The following CD33 variants were observed in gnomAD, a reference collection of about 807,000 sequenced individuals.
CD33 encodes myeloid cell surface antigen CD33.
CD33 carries 25 observed loss-of-function variants against 31.4 expected under a neutral mutation model. The observed-to-expected ratio is 0.80, with a 90% confidence interval of 0.58 to 1.11. The LOEUF (loss-of-function observed/expected upper bound fraction) is 1.11, where lower values mean the gene tolerates loss of function less well. Ranked by LOEUF, CD33 falls within the 50% of genes most tolerant of loss-of-function variation. The pLI, the probability that CD33 is intolerant of heterozygous loss-of-function variation, is 0.00. For synonymous variants in CD33, 176 were observed against 180.6 expected, an observed-to-expected ratio of 0.97 and a Z score of 0.20; for missense variants, 407 against 448.1, an observed-to-expected ratio of 0.91 and a Z score of 0.83.
chr19:51,230,605 A>C (rs1981335678), intron 4 of CD33, among the ~76,000 whole-genome samples: 1 of 152,224 alleles, frequency 6.6e-6, no homozygotes, highest in South Asian at 2.1e-4. Context: ...CTTTATAATA[A>C]TATAATGTCC....
chr19:51,212,007 T>C, the CD33 span: 1 of 1,054,052 alleles, frequency 9.5e-7, no homozygotes, highest in African/African-American at 1.6e-5. Flanking sequence ...CAACCTCACC[T>C]GTCGAGTGAC....
At chr19:51,211,656 G>T in the CD33 span, 13 of 1,167,038 alleles carry the variant, frequency 1.1e-5, no homozygotes, top group Non-Finnish European at 1.6e-5. Context: ...GGCTTGGGAT[G>T]GGACCCATGT....
chr19:51,217,548 T>C, the CD33 span, among the ~76,000 whole-genome samples: 2 of 152,106 alleles, frequency 1.3e-5, no homozygotes, highest in Non-Finnish European at 2.9e-5. Flanking sequence ...CAGCTAGGAT[T>C]ACAGGCGCTT....
chr19:51,212,045 G>A, the CD33 span: 1 of 868,434 alleles, frequency 1.2e-6, no homozygotes, highest in Non-Finnish European at 1.9e-6. Flanking sequence ...TGACCACGGA[G>A]AGAACCATCC....
At chr19:51,231,132 C>T (rs1436577320) in intron 4 of CD33, among the ~76,000 whole-genome samples, 1 of 152,240 alleles carries the variant, frequency 6.6e-6, no homozygotes, top group Non-Finnish European at 1.5e-5. Context: ...AGAGCATATG[C>T]TAAACCGTCA....
At chr19:51,226,495 A>C in intron 4 of CD33, 139 bp downstream of exon 4, 1 of 688,686 alleles carries the variant, frequency 1.5e-6, no homozygotes, top group South Asian at 1.7e-5. Context: ...CACCTTGGAA[A>C]AGGATATTTG....
chr19:51,227,823 G>GT, intron 4 of CD33, among the ~76,000 whole-genome samples: 1 of 151,984 alleles, frequency 6.6e-6, no homozygotes, highest in Non-Finnish European at 1.5e-5. Context: ...TTTCCCCTAT[G>GT]TTTTTTTCTA....
At chr19:51,220,421 C>T (rs575949074), upstream of CD33, among the ~76,000 whole-genome samples, 3 of 152,332 alleles carry the variant, frequency 2.0e-5, no homozygotes, top group East Asian at 5.8e-4. Context: ...ATCCATACCT[C>T]GCTTCTTCCA....
chr19:51,214,769 C>T, the CD33 span, among the ~76,000 whole-genome samples: 1 of 152,122 alleles, frequency 6.6e-6, no homozygotes, highest in African/African-American at 2.4e-5. Flanking sequence ...TATATGCTCC[C>T]ATTTTGTGAG....
chr19:51,213,850 C>CA, the CD33 span, among the ~76,000 whole-genome samples: 2 of 126,000 alleles, frequency 1.6e-5, no homozygotes, highest in South Asian at 5.2e-4. Flanking sequence ...TTTTCTTTTT[C>CA]TTTTTTTTTT....
the CD33 span, among the ~76,000 whole-genome samples, chr19:51,215,472 C>T: frequency 6.6e-6 from 1 of 152,192 alleles, no homozygotes; most frequent in Non-Finnish European, 1.5e-5. Context: ...GATCTCTTCA[C>T]TCAGTGTGAG....
intron 2 of CD33, 54 bp from the exon 3 acceptor site, chr19:51,225,749 G>T: frequency 6.4e-7 from 1 of 1,574,318 alleles, no homozygotes; most frequent in Non-Finnish European, 8.7e-7. Context: ...CTTCTCTCAG[G>T]CCCTCACCTG....
chr19:51,216,054 T>A, the CD33 span, among the ~76,000 whole-genome samples: 1 of 152,138 alleles, frequency 6.6e-6, no homozygotes, highest in Non-Finnish European at 1.5e-5. Context: ...ACTCTCCTGA[T>A]CCCTCCTTTC....
the CD33 span, among the ~76,000 whole-genome samples, chr19:51,217,939 T>G: frequency 6.6e-6 from 1 of 152,220 alleles, no homozygotes; most frequent in African/African-American, 2.4e-5. Context: ...CAATCATCCA[T>G]GGATAAGCAT....
chr19:51,211,109 A>G, the CD33 span: 2 of 1,579,402 alleles, frequency 1.3e-6, no homozygotes, highest in Admixed American at 1.7e-5. Context: ...TGCCTCAGAC[A>G]TGCCACTGCT....
intron 5 of CD33, 109 bp from the exon 6 acceptor site, chr19:51,235,486 C>T (rs1220157107): frequency 2.2e-5 from 33 of 1,473,074 alleles, no homozygotes; most frequent in Non-Finnish European, 2.7e-5. Flanking sequence ...TTTGAGGGCT[C>T]CTGGATTAAT....
chr19:51,211,657 G>C, the CD33 span: 1 of 1,163,870 alleles, frequency 8.6e-7, no homozygotes, highest in African/African-American at 1.5e-5. Flanking sequence ...GCTTGGGATG[G>C]GACCCATGTC....
chr19:51,226,371 C>G lies in CD33; in HGVS notation c.745+15C>G. The G allele has an allele frequency of 6.2e-7, 1 of 1,610,522 alleles. No homozygotes were observed. The highest frequency in any genetic ancestry group is 8.5e-7 in the Non-Finnish European group (1 of 1,176,744). On this transcript the variant is annotated intron_variant, in intron 4 of 6. Transcript: ENST00000262262. ...AGATGGCTCAGGTAGGAAGGAGCCT[C>G]CCCGCCTGGGGCTGTTACTGACATT...
At chr19:51,238,901 G>A (rs1424404215) in intron 6 of CD33, 1 of 152,442 alleles carries the variant, frequency 6.6e-6, no homozygotes, top group Non-Finnish European at 1.5e-5. Flanking sequence ...TTTGTGTAGG[G>A]CTTTGCACCA....
Sources: allele counts gnomAD v4.1 joint callset (sites outside exome capture counted in the v4.1 genomes callset), GRCh38; gene constraint gnomAD v4.1.1; transcripts MANE v1.5; gene names NCBI Gene and HGNC (gene_info 2026-07-23, HGNC 2026-07-21).